Variants in ACER3 observed in about 807,000 individuals in gnomAD.
ACER3 encodes alkCDase 3.
Under a neutral mutation model 48.9 loss-of-function variants are expected in ACER3, and 16 were observed. The ratio of observed to expected loss-of-function variants is 0.33; its 90% CI spans 0.22 to 0.50. The LOEUF is 0.50. Ranked by LOEUF, ACER3 falls within the 20% of genes least tolerant of loss-of-function variation. The pLI is 0.98. For synonymous variants in ACER3, 109 were observed against 107.8 expected, an observed-to-expected ratio of 1.01 and a Z score of -0.07; for missense variants, 227 against 326.0, an observed-to-expected ratio of 0.70 and a Z score of 2.34.
chr11:76,893,241 G>A (rs1032164719), intron 1 of ACER3, among the ~76,000 whole-genome samples: 4 of 152,092 alleles, frequency 2.6e-5, no homozygotes, highest in African/African-American at 4.8e-5. Flanking sequence ...ATAGTGACAC[G>A]TGCCTGTAGT....
intron 7 of ACER3, among the ~76,000 whole-genome samples, chr11:77,010,163 AAATAATAAT>A (rs59504202): frequency 0.028 from 4,137 of 146,442 alleles, 127 homozygotes; most frequent in African/African-American, 0.077. Flanking sequence ...TCTCTACCAG[AAATAATAAT>A]AATAATAATA....
chr11:77,001,090 A>T (rs1451802815), intron 7 of ACER3, among the ~76,000 whole-genome samples: 1 of 152,010 alleles, frequency 6.6e-6, no homozygotes, highest in East Asian at 1.9e-4. Flanking sequence ...TTTCATCAGC[A>T]TTTTGTAGTT....
At chr11:76,990,468 G>A in intron 5 of ACER3, 71 bp from the exon 6 acceptor site, 1 of 1,079,462 alleles carries the variant, frequency 9.3e-7, no homozygotes, top group Non-Finnish European at 1.4e-6. Flanking sequence ...GATTTGCAGA[G>A]TAATTGGAGT....
intron 3 of ACER3, among the ~76,000 whole-genome samples, chr11:76,961,834 A>C (rs1948002706): frequency 6.7e-6 from 1 of 149,006 alleles, no homozygotes; most frequent in South Asian, 2.1e-4. Context: ...AATAAAGAAA[A>C]AGTTTGATGT....
chr11:76,952,976 A>G (rs1321851364), intron 2 of ACER3, among the ~76,000 whole-genome samples: 4 of 152,104 alleles, frequency 2.6e-5, no homozygotes, highest in Non-Finnish European at 5.9e-5. Context: ...ATGAAGTTGC[A>G]TAAGATTCCA....
At chr11:76,942,146 G>C (rs1947356999) in intron 2 of ACER3, among the ~76,000 whole-genome samples, 1 of 151,924 alleles carries the variant, frequency 6.6e-6, no homozygotes, top group Non-Finnish European at 1.5e-5. Context: ...TTTCCAATTT[G>C]GATGTCTTTT....
At chr11:76,969,870 C>T (rs1455835120) in intron 3 of ACER3, among the ~76,000 whole-genome samples, 1 of 150,826 alleles carries the variant, frequency 6.6e-6, no homozygotes, top group Non-Finnish European at 1.5e-5. Context: ...GGGTGCAGCA[C>T]ACCAACATGG....
intron 1 of ACER3, among the ~76,000 whole-genome samples, chr11:76,894,420 A>G (rs1945881102): frequency 6.6e-6 from 1 of 152,204 alleles, no homozygotes. Flanking sequence ...TATATCATAG[A>G]CATGTAATTG....
In ACER3 at chr11:77,025,388, T is replaced by C. The variant is rs1555025465; in HGVS notation, c.*5061T>C. On this transcript the variant is annotated 3_prime_UTR_variant, in exon 11 of 11. Transcript: ENST00000532485. ...AGAATGGTTATTTTATTTTATTTTA[T>C]TCTTTATATATATATATATATATTT... 1.1e-5 allele frequency: 1 copy of C among 90,342 alleles called. No individual in the cohort carries two copies. The highest frequency in any genetic ancestry group is 5.9e-5 in the African/African-American group (1 of 16,898). The allele number at this position is 90,342 out of a possible 1,614,324, so 5.6% of individuals were successfully genotyped here.
chr11:76,936,166 G>T lies in ACER3; in HGVS notation c.214+9499G>T, dbSNP rs138189077. ...GGAGGAGCAAGTCACTTCTTACATG[G>T]ATGGTGGCAGGCAAAGAGTAGATTC... On this transcript the variant is annotated intron_variant, in intron 2 of 10. Coordinates refer to ENST00000532485, the MANE Select transcript of ACER3 (RefSeq NM_018367.7). Among the ~76,000 whole-genome samples the T allele has an allele frequency of 7.9e-5, 12 of 152,320 alleles. No homozygotes were observed. The East Asian group carries it at 1.9e-3, about 24-fold the overall frequency.
chr11:77,020,271 C>T lies in ACER3; in HGVS notation c.751-3C>T. 1 of 1,613,570 alleles carries T rather than the reference C, an allele frequency of 6.2e-7. No individual in the cohort carries two copies. Among genetic ancestry groups the T allele is most frequent in the Non-Finnish European group, 8.5e-7 (1 of 1,179,728 alleles). ...CATTTTGTCCTAATTTGTCCCCAAA[C>T]AGTTTCTCTTTGGAATCTGGCCAGT... On this transcript the variant is annotated splice_region_variant and splice_polypyrimidine_tract_variant and intron_variant, in intron 10 of 10. Coordinates refer to ENST00000532485, the MANE Select transcript of ACER3 (RefSeq NM_018367.7).
chr11:76,885,870 G>C (rs1196039988), intron 1 of ACER3, among the ~76,000 whole-genome samples: 2 of 152,160 alleles, frequency 1.3e-5, no homozygotes, highest in African/African-American at 4.8e-5. Context: ...CAAGGCCCCA[G>C]ATGCCAAAGC....
intron 7 of ACER3, 69 bp from the exon 8 acceptor site, chr11:77,014,941 AGTGATG>A (rs1565229193): frequency 6.7e-6 from 6 of 891,736 alleles, no homozygotes; most frequent in Non-Finnish European, 1.1e-5. Flanking sequence ...AAAGGAAGAA[AGTGATG>A]GCTTCAATTT....
Position 76,865,869 on chromosome 11 carries a change from T to C in ACER3, c.103+4790T>C, listed in dbSNP as rs528375551. Among the ~76,000 whole-genome samples the C allele has an allele frequency of 6.7e-5, 10 of 149,688 alleles. No individual in the cohort carries two copies. In the Admixed American group the frequency reaches 6.8e-4, roughly 10 times the overall value. On this transcript the variant is annotated intron_variant, in intron 1 of 10. Coordinates refer to ENST00000532485, the MANE Select transcript of ACER3 (RefSeq NM_018367.7). ...TCTCATTCTGTCGCCCAGGCTGGAGTGCAGCGGCGTGATCTTGGCTCACTG... is the reference window on the plus strand; with the variant it reads ...TCTCATTCTGTCGCCCAGGCTGGAGCGCAGCGGCGTGATCTTGGCTCACTG...
chr11:76,865,267 G>T (rs1945048966), intron 1 of ACER3, among the ~76,000 whole-genome samples: 1 of 151,588 alleles, frequency 6.6e-6, no homozygotes, highest in Non-Finnish European at 1.5e-5. Context: ...ATATAGGCAT[G>T]AGCCACCATG....
At chr11:76,971,289 C>T (rs748201390) in intron 3 of ACER3, among the ~76,000 whole-genome samples, 7 of 152,114 alleles carry the variant, frequency 4.6e-5, no homozygotes, top group African/African-American at 9.7e-5. Flanking sequence ...CGCCTGTAAT[C>T]GCAGCACTTT....
At position 76,860,925 on chromosome 11, in the gene ACER3, G is replaced by A; in HGVS notation, c.-52G>A. On this transcript the variant is annotated 5_prime_UTR_variant, in exon 1 of 11. Coordinates refer to ENST00000532485, the MANE Select transcript of ACER3 (RefSeq NM_018367.7). ...TGGGCCGGAGCCGGCCTGGTCGCCA[G>A]CCTAACCCGGCACAGTGAGCGGAGC... The A allele has an allele frequency of 2.2e-6, 3 of 1,373,484 alleles. No homozygotes were observed. The highest frequency in any genetic ancestry group is 9.7e-7 in the Non-Finnish European group (1 of 1,026,554). 85.1% of individuals were successfully genotyped at this position (1,373,484 alleles called of 1,614,324 possible). A position where few individuals can be genotyped will look rare whatever the true frequency, so the allele number is the denominator to read the frequency against.
chr11:76,998,799 C>T lies in ACER3; in HGVS notation c.475C>T (p.Arg159Ter), dbSNP rs782329790. The T allele has an allele frequency of 6.9e-6, 11 of 1,596,188 alleles. No individual in the cohort carries two copies. The highest frequency in any genetic ancestry group is 1.4e-5 in the African/African-American group (1 of 73,802). The change falls in exon 7 of 11, where the codon CGA becomes TGA. Residue 159 changes from arginine (R) to a stop codon, truncating the protein, a stop_gained. Coordinates refer to ENST00000532485, the MANE Select transcript of ACER3 (RefSeq NM_018367.7). LOFTEE classifies it high-confidence loss of function. ...AATGTTGGTCTTTACATTAGTACTT[C>T]GATCTATTTATATTGTTACATGGTA... ...YGMLVFTLVL[R>*]SIYIVTWVYP...
At chr11:76,917,163 G>A (rs1565175477) in intron 1 of ACER3, among the ~76,000 whole-genome samples, 1 of 152,056 alleles carries the variant, frequency 6.6e-6, no homozygotes, top group East Asian at 1.9e-4. Context: ...GCAAACTGAA[G>A]ACAAAAGGCC....
Sources: gnomAD v4.1 joint callset for allele counts (sites outside exome capture counted in the v4.1 genomes callset) on GRCh38, gnomAD v4.1.1 for gene constraint, MANE v1.5 for transcripts, NCBI Gene and HGNC (gene_info 2026-07-23, HGNC 2026-07-21) for gene names.